HDAC4: variants seen among roughly 807,000 people sequenced by gnomAD.
HDAC4 encodes histone deacetylase A.
Under a neutral mutation model 135.1 loss-of-function variants are expected in HDAC4, and 16 were observed. That is an observed-to-expected ratio of 0.12 (90% CI 0.08 to 0.18). HDAC4 has a LOEUF of 0.18. Ranked by LOEUF, HDAC4 falls within the 10% of genes least tolerant of loss-of-function variation. HDAC4 has a pLI of 1.00. For missense variants in HDAC4, 1,143 were observed against 1,511.8 expected (o/e 0.76, Z 4.05); for synonymous variants, 685 against 653.4 (o/e 1.05, Z -0.74).
At chr2:239,214,089 C>T (rs183545218) in intron 3 of HDAC4, among the ~76,000 whole-genome samples, 2 of 152,322 alleles carry the variant, frequency 1.3e-5, no homozygotes, top group South Asian at 2.1e-4. Flanking sequence ...CTTGAAACAA[C>T]GTATGTTTAT....
At chr2:239,277,135 G>A (rs113752069) in intron 2 of HDAC4, among the ~76,000 whole-genome samples, 105 of 152,326 alleles carry the variant, frequency 6.9e-4, no homozygotes, top group African/African-American at 2.5e-3. Context: ...TCACCTTGGT[G>A]TACCCAGCAC....
At chr2:239,136,374 A>G (rs2040958194) in intron 9 of HDAC4, among the ~76,000 whole-genome samples, 1 of 152,192 alleles carries the variant, frequency 6.6e-6, no homozygotes, top group African/African-American at 2.4e-5. Flanking sequence ...TCAGGGTTCT[A>G]TCCTTTTTGA....
intron 16 of HDAC4, among the ~76,000 whole-genome samples, chr2:239,101,710 A>C (rs897014002): frequency 6.6e-6 from 1 of 152,118 alleles, no homozygotes. Context: ...ATCGAGGAAC[A>C]AAGGGAGCCC....
chr2:239,066,988 G>T, intron 23 of HDAC4, 133 bp from the exon 24 acceptor site: 3 of 1,106,868 alleles, frequency 2.7e-6, no homozygotes, highest in South Asian at 1.4e-5. Context: ...GCCGGGTTTC[G>T]TTTAATAAAT....
intron 12 of HDAC4, among the ~76,000 whole-genome samples, chr2:239,119,946 C>T (rs2039491500): frequency 6.8e-6 from 1 of 146,248 alleles, no homozygotes; most frequent in Non-Finnish European, 1.5e-5. Context: ...GGAGAGTGAG[C>T]AGGAGGCACC....
In HDAC4 at chr2:239,116,965, T is replaced by G. The variant is rs2039191956; in HGVS notation, c.1534-1655A>C. 1.3e-5 allele frequency among the ~76,000 whole-genome samples: 2 copies of G among 152,350 alleles called. 1 individual carries two copies. Among genetic ancestry groups the G allele is most frequent in the South Asian group, 4.1e-4 (2 of 4,832 alleles). ...CCCCAGTCCTCTGGCTTTTCTGTGG[T>G]TGCCATTCATGTATCCATCTTTCCT... On this transcript the variant is annotated intron_variant, in intron 12 of 26. Transcript: ENST00000543185.
chr2:239,127,075 G>C (rs530340847), intron 11 of HDAC4, among the ~76,000 whole-genome samples: 61 of 152,292 alleles, frequency 4.0e-4, no homozygotes, highest in African/African-American at 1.4e-3. Context: ...CGGTGGGAGG[G>C]GAGAGAGGGC....
At chr2:239,280,796 C>T (rs186555266) in intron 2 of HDAC4, among the ~76,000 whole-genome samples, 198 of 151,562 alleles carry the variant, frequency 1.3e-3, no homozygotes, top group African/African-American at 4.5e-3. Context: ...ATGAACACAC[C>T]ACTCTACACA....
chr2:239,400,854 G>A lies in HDAC4; in HGVS notation c.-220+124C>T, dbSNP rs1324064417. On this transcript the variant is annotated intron_variant, in intron 1 of 26. Transcript: ENST00000543185. This position sits in a 1 kb window ranked among gnomAD's most constrained non-coding sequence, Gnocchi z 4.7. ...GGGCCCAGGCTGGGAGGCTGTTCGG[G>A]CGGCGGCGGCGGCGGCGCGGGCGGG... 3 of 145,530 alleles carry A rather than the reference G, an allele frequency of 2.1e-5. No individual in the cohort carries two copies. The Admixed American group carries it at 2.1e-4, about 10-fold the overall frequency. 9.0% of individuals were successfully genotyped at this position (145,530 alleles called of 1,614,324 possible).
At chr2:239,118,941 G>T (rs993307030) in intron 12 of HDAC4, among the ~76,000 whole-genome samples, 1 of 152,192 alleles carries the variant, frequency 6.6e-6, no homozygotes, top group Non-Finnish European at 1.5e-5. Context: ...GAGGCCCTGT[G>T]GGGGGCAGGG....
intron 16 of HDAC4, among the ~76,000 whole-genome samples, chr2:239,096,933 C>A (rs1252667582): frequency 6.6e-6 from 1 of 152,158 alleles, no homozygotes; most frequent in Non-Finnish European, 1.5e-5. Context: ...GCCATGCCAA[C>A]AGGGAGCAGG....
intron 12 of HDAC4, among the ~76,000 whole-genome samples, chr2:239,116,464 A>T (rs992954770): frequency 6.6e-6 from 1 of 152,190 alleles, no homozygotes; most frequent in Admixed American, 6.5e-5. Context: ...CTCACGAGAA[A>T]CGCCTCTGGA....
intron 2 of HDAC4, among the ~76,000 whole-genome samples, chr2:239,329,052 A>G (rs576743270): frequency 4.6e-5 from 7 of 152,222 alleles, no homozygotes; most frequent in Non-Finnish European, 5.9e-5. Flanking sequence ...CAGCAGCAGC[A>G]CACCCAGGAC....
At chr2:239,130,703 G>A (rs1270189035) in intron 11 of HDAC4, among the ~76,000 whole-genome samples, 3 of 152,140 alleles carry the variant, frequency 2.0e-5, no homozygotes, top group Non-Finnish European at 2.9e-5. Flanking sequence ...CCACTGCTCC[G>A]GGAAGCCTTC....
intron 2 of HDAC4, among the ~76,000 whole-genome samples, chr2:239,348,155 A>G (rs1692851044): frequency 6.6e-6 from 1 of 150,704 alleles, no homozygotes; most frequent in African/African-American, 2.5e-5. Context: ...TCCACGTCCC[A>G]GCAAATGCAC....
At chr2:239,389,599 G>A (rs755135485) in intron 1 of HDAC4, among the ~76,000 whole-genome samples, 6 of 152,152 alleles carry the variant, frequency 3.9e-5, no homozygotes, top group Admixed American at 6.5e-5. Flanking sequence ...CTAGAGGCCC[G>A]CTAAGGGATT....
At chr2:239,319,713 G>T (rs1370928776) in intron 2 of HDAC4, among the ~76,000 whole-genome samples, 1 of 152,190 alleles carries the variant, frequency 6.6e-6, no homozygotes, top group African/African-American at 2.4e-5. Context: ...AAAATTGAAT[G>T]CAAGACACTA....
intron 11 of HDAC4, among the ~76,000 whole-genome samples, chr2:239,127,865 G>A (rs548234393): frequency 2.2e-4 from 33 of 152,342 alleles, no homozygotes; most frequent in Admixed American, 1.6e-3. Context: ...GCCAGGGCTC[G>A]CAGGGCAGCT....
At position 239,068,770 on chromosome 2, in the gene HDAC4, C is replaced by T. The variant is rs1050440905; in HGVS notation, c.2751-163G>A. The T allele has an allele frequency of 1.6e-5, 11 of 706,950 alleles. No individual in the cohort carries two copies. In the African/African-American group the frequency reaches 1.7e-4, roughly 11 times the overall value. 43.8% of individuals were successfully genotyped at this position (706,950 alleles called of 1,614,324 possible). Reference sequence around the variant, plus strand: ...AGCAGGCTGGAATCTGGCGACCACGCTTAATTAGAAGGGAATCAACCCACG... The same window carrying T: ...AGCAGGCTGGAATCTGGCGACCACGTTTAATTAGAAGGGAATCAACCCACG... On this transcript the variant is annotated intron_variant, in intron 22 of 26. Coordinates refer to ENST00000543185, the MANE Select transcript of HDAC4 (RefSeq NM_001378414.1). The surrounding 1 kb of genome is among the most constrained non-coding windows in gnomAD (Gnocchi z 4.4).
Sources: gnomAD v4.1 joint callset for allele counts (sites outside exome capture counted in the v4.1 genomes callset) on GRCh38, gnomAD v4.1.1 for gene constraint, Gnocchi (gnomAD v3.1) non-coding constraint, MANE v1.5 for transcripts, NCBI Gene and HGNC (gene_info 2026-07-23, HGNC 2026-07-21) for gene names.